The following ABCA5 variants were observed in gnomAD, a reference collection of about 807,000 sequenced individuals.
The protein encoded by ABCA5 is ATP binding cassette subfamily A member 5, also known as cholesterol transporter ABCA5.
ABCA5 carries 163 observed loss-of-function variants against 206.0 expected under a neutral mutation model. That is an observed-to-expected ratio of 0.79 (90% CI 0.70 to 0.90). The LOEUF (loss-of-function observed/expected upper bound fraction) is 0.90, where lower values mean the gene tolerates loss of function less well. Among genes scored for constraint, ABCA5 ranks in the 40% least tolerant of loss-of-function variants. The pLI is 0.00. For missense variants in ABCA5, 1,859 were observed against 1,912.9 expected (o/e 0.97, Z 0.53); for synonymous variants, 609 against 613.8 (o/e 0.99, Z 0.11).
At chr17:69,298,312 G>GAA (rs1567774710) in intron 9 of ABCA5, among the ~76,000 whole-genome samples, 6 of 26,996 alleles carry the variant, frequency 2.2e-4, no homozygotes, top group Non-Finnish European at 7.1e-4. Context: ...AAGAAAGAGA[G>GAA]AGAGAGGAAG....
chr17:69,308,898 A>G (rs570721726), intron 4 of ABCA5, among the ~76,000 whole-genome samples: 2 of 152,276 alleles, frequency 1.3e-5, no homozygotes, highest in East Asian at 3.9e-4. Context: ...AAACTAATCA[A>G]GTTCACTAGT....
intron 20 of ABCA5, among the ~76,000 whole-genome samples, chr17:69,273,683 T>C (rs1288058580): frequency 6.6e-6 from 1 of 152,076 alleles, no homozygotes; most frequent in African/African-American, 2.4e-5. Context: ...CTCGATCCCC[T>C]GACCTCAGGT....
At chr17:69,250,354 G>T (rs573972927) in intron 36 of ABCA5, 118 bp downstream of exon 36, 63 of 713,514 alleles carry the variant, frequency 8.8e-5, no homozygotes, top group Admixed American at 2.9e-4. Context: ...CACACACAGA[G>T]ATATATATAT....
chr17:69,311,402 T>A (rs777011980), intron 3 of ABCA5, among the ~76,000 whole-genome samples: 10 of 152,130 alleles, frequency 6.6e-5, no homozygotes, highest in Admixed American at 6.6e-5. Context: ...AATACAGAAG[T>A]CTAAAAAAAT....
chr17:69,304,857 A>AC, intron 6 of ABCA5, 47 bp from the exon 7 acceptor site: 1 of 1,419,128 alleles, frequency 7.0e-7, no homozygotes, highest in Non-Finnish European at 9.3e-7. Context: ...CATAGGCTTA[A>AC]CCAGTTAAAA....
At chr17:69,299,957 G>A (rs557373442) in intron 9 of ABCA5, among the ~76,000 whole-genome samples, 3 of 152,140 alleles carry the variant, frequency 2.0e-5, no homozygotes, top group Non-Finnish European at 4.4e-5. Flanking sequence ...AGCCTTTTTG[G>A]CACCAGGGAC....
At position 69,302,804 on chromosome 17, in the gene ABCA5, T is replaced by C; in HGVS notation, c.1033A>G (p.Ile345Val). 6.2e-7 allele frequency: 1 copy of C among 1,601,094 alleles called. No homozygotes were observed. Among genetic ancestry groups the C allele is most frequent in the Non-Finnish European group, 8.5e-7 (1 of 1,176,414 alleles). ...TVAFGFIGLM[I>V]ILIESFPKSL... ...TTGGGAAAACTTTCTATGAGGATTATCATAAGGCCAATAAATCCAAAAGCC... is the reference window on the plus strand; with the variant it reads ...TTGGGAAAACTTTCTATGAGGATTACCATAAGGCCAATAAATCCAAAAGCC... The change falls in exon 8 of 39, where the codon ATA becomes GTA. Residue 345 changes from isoleucine to valine, a missense_variant. By Grantham distance (29) the Ile-to-Val change is conservative. Transcript: ENST00000392676.
chr17:69,289,340 C>T, intron 13 of ABCA5, 44 bp from the exon 14 acceptor site: 1 of 1,392,846 alleles, frequency 7.2e-7, no homozygotes, highest in Non-Finnish European at 9.5e-7. Flanking sequence ...AAAATCATAC[C>T]ATTTATATAA....
chr17:69,313,212 T>C lies in ABCA5; in HGVS notation c.187A>G (p.Asn63Asp), dbSNP rs1327796899. 6.4e-7 allele frequency: 1 copy of C among 1,557,400 alleles called. No individual in the cohort carries two copies. The highest frequency in any genetic ancestry group is 2.3e-5 in the East Asian group (1 of 44,328). ...HPNKKYEEVP[N>D]IELNPMDKFT... The stretch of plus-strand genomic sequence containing the variant: ...TTGTCCATAGGATTGAGTTCTATAT[T>C]AGGCACTTCTTCATATTTCTTATTT... Residue 63 changes from asparagine (N) to aspartate (D), a missense_variant, in exon 3 of 39, where the codon AAT becomes GAT. Transcript: ENST00000392676.
chr17:69,298,911 C>CTA (rs367862124), intron 9 of ABCA5, among the ~76,000 whole-genome samples: 4 of 151,978 alleles, frequency 2.6e-5, no homozygotes, highest in South Asian at 2.1e-4. Context: ...AAGGTCTTCA[C>CTA]TATATATATA....
chr17:69,298,409 T>C (rs550490559), intron 9 of ABCA5, among the ~76,000 whole-genome samples: 1 of 150,884 alleles, frequency 6.6e-6, no homozygotes, highest in Non-Finnish European at 1.5e-5. Context: ...ATTTTCTCCC[T>C]TTTCCCTCTC....
At chr17:69,252,450 T>C (rs2144892248) in intron 34 of ABCA5, among the ~76,000 whole-genome samples, 1 of 152,282 alleles carries the variant, frequency 6.6e-6, no homozygotes, top group East Asian at 1.9e-4. Context: ...CCTTTTCATG[T>C]TATAACCAAA....
chr17:69,298,644 C>A (rs575295800), intron 9 of ABCA5, among the ~76,000 whole-genome samples: 1 of 151,786 alleles, frequency 6.6e-6, no homozygotes, highest in Non-Finnish European at 1.5e-5. Context: ...GCAAGCCACA[C>A]GTAGAAGAAT....
At chr17:69,300,527 G>A (rs150471050) in intron 9 of ABCA5, among the ~76,000 whole-genome samples, 147 of 152,268 alleles carry the variant, frequency 9.7e-4, no homozygotes, top group African/African-American at 3.4e-3. Context: ...ATGCAATTTA[G>A]TAACTAACAG....
At chr17:69,322,026 G>A (rs927743297) in intron 1 of ABCA5, among the ~76,000 whole-genome samples, 1 of 152,112 alleles carries the variant, frequency 6.6e-6, no homozygotes, top group Non-Finnish European at 1.5e-5. Flanking sequence ...ACCAGGAGTT[G>A]CATAATCCAA....
intron 1 of ABCA5, among the ~76,000 whole-genome samples, chr17:69,322,239 G>A (rs926555042): frequency 7.3e-5 from 11 of 151,162 alleles, no homozygotes; most frequent in Admixed American, 6.6e-5. Flanking sequence ...GTGTGGTGGC[G>A]GGCACCTGTA....
chr17:69,253,274 C>T (rs1010458260), intron 34 of ABCA5, among the ~76,000 whole-genome samples: 1 of 152,052 alleles, frequency 6.6e-6, no homozygotes, highest in Admixed American at 6.5e-5. Context: ...CATTTGTATG[C>T]TAAATGACTA....
intron 18 of ABCA5, among the ~76,000 whole-genome samples, chr17:69,281,886 C>A (rs190090198): frequency 6.6e-5 from 10 of 152,292 alleles, no homozygotes; most frequent in African/African-American, 2.2e-4. Flanking sequence ...ATCACCCACT[C>A]GGCATTCATG....
At chr17:69,319,981 T>G (rs1203487415) in intron 1 of ABCA5, among the ~76,000 whole-genome samples, 1 of 152,240 alleles carries the variant, frequency 6.6e-6, no homozygotes, top group Non-Finnish European at 1.5e-5. Flanking sequence ...AGTTATTTAA[T>G]GTTTTTGCGC....
Sources: allele counts gnomAD v4.1 joint callset (sites outside exome capture counted in the v4.1 genomes callset), GRCh38; gene constraint gnomAD v4.1.1; transcripts MANE v1.5; gene names NCBI Gene and HGNC (gene_info 2026-07-23, HGNC 2026-07-21).